Variants in ANPEP observed in about 807,000 individuals in gnomAD.
ANPEP encodes alanyl aminopeptidase, membrane, also known as aminopeptidase N.
Under a neutral mutation model 114.6 loss-of-function variants are expected in ANPEP, and 70 were observed. That is an observed-to-expected ratio of 0.61 (90% CI 0.50 to 0.75). ANPEP has a LOEUF of 0.75. ANPEP is among the 30% of genes least tolerant of loss of function. The pLI is 0.00. For missense variants in ANPEP, 1,184 were observed against 1,259.5 expected, an observed-to-expected ratio of 0.94 and a Z score of 0.91; for synonymous variants, 548 against 522.3, an observed-to-expected ratio of 1.05 and a Z score of -0.67.
chr15:89,790,662 C>A lies in ANPEP; in HGVS notation c.2670-121G>T, dbSNP rs1391791516. On this transcript the variant is annotated intron_variant, in intron 19 of 20. Coordinates refer to ENST00000300060, the MANE Select transcript of ANPEP (RefSeq NM_001150.3). ...GATGAAATGACACGCCCTGGGAGAC[C>A]CCACTAGGATGTGGGGGAGTCACAG... is the stretch of plus-strand genomic sequence containing the variant. The A allele has an allele frequency of 4.4e-6, 4 of 915,480 alleles. No homozygotes were observed. The African/African-American group carries it at 6.6e-5, about 15-fold the overall frequency. 56.7% of individuals were successfully genotyped at this position (915,480 alleles called of 1,614,324 possible).
chr15:89,795,963 A>T (rs34474497), intron 15 of ANPEP, among the ~76,000 whole-genome samples: 4 of 152,150 alleles, frequency 2.6e-5, no homozygotes, highest in Non-Finnish European at 5.9e-5. Context: ...GCCTATAATC[A>T]TAACACTTTG....
intron 15 of ANPEP, among the ~76,000 whole-genome samples, chr15:89,797,003 G>A (rs573688343): frequency 6.6e-6 from 1 of 152,176 alleles, no homozygotes. Flanking sequence ...GAATAAGCTC[G>A]AGTTTCCTTT....
chr15:89,792,535 G>A lies in ANPEP; in HGVS notation c.2277C>T (p.Thr759=), dbSNP rs774270372. Residue 759 remains threonine (T), a synonymous_variant, in exon 17 of 21, where the codon ACC becomes ACT. Coordinates refer to ENST00000300060, the MANE Select transcript of ANPEP (RefSeq NM_001150.3). ...DQYSEVNAIS[T]ACSNGVPECE... Reference sequence around the variant, plus strand: ...ACTCTGGAACTCCGTTGGAGCAGGCGGTGCTGATGGCATTAACCTCGCTGT... The same window carrying A: ...ACTCTGGAACTCCGTTGGAGCAGGCAGTGCTGATGGCATTAACCTCGCTGT... 10 of 1,614,120 alleles carry A rather than the reference G, an allele frequency of 6.2e-6. No homozygotes were observed. The highest frequency in any genetic ancestry group is 1.6e-4 in the Middle Eastern group (1 of 6,062).
At position 89,792,337 on chromosome 15, in the gene ANPEP, G is replaced by A. The variant is rs200987205; in HGVS notation, c.2361-10C>T. ...CAGGTTGGGGTGGATCCTGGTGTGGGGTAGGGAGGTCAGGTGTGGAACAGC... is the reference window on the plus strand; with the variant it reads ...CAGGTTGGGGTGGATCCTGGTGTGGAGTAGGGAGGTCAGGTGTGGAACAGC... On this transcript the variant is annotated splice_polypyrimidine_tract_variant and intron_variant, in intron 17 of 20. Coordinates refer to ENST00000300060, the MANE Select transcript of ANPEP (RefSeq NM_001150.3). 1.9e-6 allele frequency: 3 copies of A among 1,614,036 alleles called. No individual in the cohort carries two copies. The highest frequency in any genetic ancestry group is 2.5e-6 in the Non-Finnish European group (3 of 1,179,910).
At position 89,790,491 on chromosome 15, in the gene ANPEP, C is replaced by T; in HGVS notation, c.2720G>A (p.Arg907Gln). ...CAGCTCATACTCGGTGGAGAATCGTCGTGTCACTGCCTGGATGAGGTTGGA... is the reference window on the plus strand; with the variant it reads ...CAGCTCATACTCGGTGGAGAATCGTTGTGTCACTGCCTGGATGAGGTTGGA... ...SFSNLIQAVT[R>Q]RFSTEYELQQ... The change falls in exon 20 of 21, where the codon CGA becomes CAA. Residue 907 changes from arginine (R) to glutamine (Q), a missense_variant. Coordinates refer to ENST00000300060, the MANE Select transcript of ANPEP (RefSeq NM_001150.3). 5.0e-6 allele frequency: 8 copies of T among 1,613,936 alleles called. No homozygotes were observed. Among genetic ancestry groups the T allele is most frequent in the Non-Finnish European group, 5.9e-6 (7 of 1,179,906 alleles).
chr15:89,797,097 C>A (rs1968742497), intron 15 of ANPEP, among the ~76,000 whole-genome samples: 1 of 147,236 alleles, frequency 6.8e-6, no homozygotes, highest in Non-Finnish European at 1.5e-5. Context: ...ATACCCACAT[C>A]TCTCTCATAG....
chr15:89,797,758 C>G (rs1447758237), intron 14 of ANPEP, 36 bp from the exon 15 acceptor site: 2 of 1,612,224 alleles, frequency 1.2e-6, no homozygotes, highest in South Asian at 2.2e-5. Flanking sequence ...TAAAGCACCT[C>G]CACCCAGCCC....
chr15:89,798,321 C>T (rs575095352), intron 14 of ANPEP, among the ~76,000 whole-genome samples: 5 of 152,126 alleles, frequency 3.3e-5, no homozygotes, highest in African/African-American at 1.2e-4. Context: ...GAACAGTGGC[C>T]CAGCATAGTC....
chr15:89,797,740 G>A lies in ANPEP; in HGVS notation c.2010-18C>T, dbSNP rs1268068013. ...TATGGGCACTGGGAATAAACAGAGG[G>A]GCCCAAGTAAAGCACCTCCACCCAG... On this transcript the variant is annotated intron_variant, in intron 14 of 20. Transcript: ENST00000300060. 1.9e-6 allele frequency: 3 copies of A among 1,613,468 alleles called. No homozygotes were observed. Among genetic ancestry groups the A allele is most frequent in the Non-Finnish European group, 2.5e-6 (3 of 1,179,804 alleles).
In ANPEP at chr15:89,785,243, G is replaced by T; in HGVS notation, c.*106C>A. Reference sequence around the variant, plus strand: ...GCTGGAGACTTTGTCCTTGAGGGGAGGACACTGGTGCCTCGGGCTCCAGGA... The same window carrying T: ...GCTGGAGACTTTGTCCTTGAGGGGATGACACTGGTGCCTCGGGCTCCAGGA... On this transcript the variant is annotated 3_prime_UTR_variant, in exon 21 of 21. Coordinates refer to ENST00000300060, the MANE Select transcript of ANPEP (RefSeq NM_001150.3). The T allele has an allele frequency of 1.4e-6, 2 of 1,431,522 alleles. No individual in the cohort carries two copies. The highest frequency in any genetic ancestry group is 1.9e-6 in the Non-Finnish European group (2 of 1,036,342). 88.7% of individuals were successfully genotyped at this position (1,431,522 alleles called of 1,614,324 possible). A position where few individuals can be genotyped will look rare whatever the true frequency, so the allele number is the denominator to read the frequency against.
At position 89,801,583 on chromosome 15, in the gene ANPEP, G is replaced by A; in HGVS notation, c.1594C>T (p.Leu532Phe). The A allele has an allele frequency of 6.2e-7, 1 of 1,614,034 alleles. No individual in the cohort carries two copies. Among genetic ancestry groups the A allele is most frequent in the South Asian group, 1.1e-5 (1 of 91,076 alleles). Residue 532 changes from leucine to phenylalanine, a missense_variant, in exon 11 of 21, where the codon CTC becomes TTC. Physicochemically the swap from Leu to Phe is conservative, Grantham distance 22 (BLOSUM62 0). Coordinates refer to ENST00000300060, the MANE Select transcript of ANPEP (RefSeq NM_001150.3). ...QEAVNNRSIQ[L>F]PTTVRDIMNR... ...ATGATGTCCCGCACGGTGGTGGGGAGTTGGATGGACCGGTTGTTCACAGCC... is the reference window on the plus strand; with the variant it reads ...ATGATGTCCCGCACGGTGGTGGGGAATTGGATGGACCGGTTGTTCACAGCC...
chr15:89,799,476 C>A lies in ANPEP; in HGVS notation c.1903G>T (p.Asp635Tyr). 2 of 1,614,158 alleles carry A rather than the reference C, an allele frequency of 1.2e-6. No individual in the cohort carries two copies. The highest frequency in any genetic ancestry group is 1.7e-6 in the Non-Finnish European group (2 of 1,180,038). ...NVTGYYRVNY[D>Y]EENWRKIQTQ... ...TGAATCTTCCTCCAGTTCTCTTCGTCGTAGTTCACCCGGTAATAGCCCGTC... is the reference window on the plus strand; with the variant it reads ...TGAATCTTCCTCCAGTTCTCTTCGTAGTAGTTCACCCGGTAATAGCCCGTC... Residue 635 changes from aspartate (D) to tyrosine (Y), a missense_variant, in exon 13 of 21, where the codon GAC (aspartate) becomes TAC (tyrosine). Asp to Tyr is a radical substitution (Grantham distance 160). Coordinates refer to ENST00000300060, the MANE Select transcript of ANPEP (RefSeq NM_001150.3). The surrounding 1 kb of genome is among the most constrained non-coding windows in gnomAD (Gnocchi z 4.2).
At chr15:89,787,956 A>T (rs531046368) in intron 20 of ANPEP, among the ~76,000 whole-genome samples, 1 of 152,342 alleles carries the variant, frequency 6.6e-6, no homozygotes, top group East Asian at 1.9e-4. Flanking sequence ...CCACTAGATG[A>T]CTATACTAAA....
intron 20 of ANPEP, among the ~76,000 whole-genome samples, chr15:89,787,197 C>A (rs1371519249): frequency 6.6e-6 from 1 of 152,028 alleles, no homozygotes; most frequent in Non-Finnish European, 1.5e-5. Flanking sequence ...AGGCGCCCGC[C>A]ACTGCATCCA....
chr15:89,810,029 C>G (rs1175541529), intron 1 of ANPEP, among the ~76,000 whole-genome samples: 1 of 152,136 alleles, frequency 6.6e-6, no homozygotes, highest in Non-Finnish European at 1.5e-5. Context: ...CACCAGCCCC[C>G]ACTCCCCTCT....
chr15:89,788,342 C>T (rs11854430), intron 20 of ANPEP, among the ~76,000 whole-genome samples: 90,258 of 151,968 alleles, frequency 0.59, 28,591 homozygotes, highest in African/African-American at 0.8. Context: ...GAAAACATTA[C>T]ACTAAGTGAA....
intron 1 of ANPEP, among the ~76,000 whole-genome samples, chr15:89,813,014 C>A (rs2141818313): frequency 6.6e-6 from 1 of 152,198 alleles, no homozygotes; most frequent in South Asian, 2.1e-4. Context: ...TGTGGAGGAC[C>A]CACATCTTGC....
At chr15:89,791,243 T>G (rs1395672541) in intron 18 of ANPEP, 150 bp from the exon 19 acceptor site, 1 of 854,684 alleles carries the variant, frequency 1.2e-6, no homozygotes, top group Non-Finnish European at 1.8e-6. Context: ...CCTTCTTCCC[T>G]CTATAGATGG....
intron 1 of ANPEP, among the ~76,000 whole-genome samples, chr15:89,810,525 C>A (rs949211541): frequency 6.6e-6 from 1 of 151,760 alleles, no homozygotes; most frequent in Non-Finnish European, 1.5e-5. Flanking sequence ...GGGCGGAGAT[C>A]GTGCCACTAC....
Sources: gnomAD v4.1 joint callset for allele counts (sites outside exome capture counted in the v4.1 genomes callset) on GRCh38, gnomAD v4.1.1 for gene constraint, Gnocchi (gnomAD v3.1) non-coding constraint, MANE v1.5 for transcripts, NCBI Gene and HGNC (gene_info 2026-07-23, HGNC 2026-07-21) for gene names.